RALGAPA1: variants seen among roughly 807,000 people sequenced by gnomAD.
RALGAPA1 encodes Ral GTPase activating protein catalytic subunit alpha 1, also known as ral GTPase-activating protein subunit alpha-1.
In RALGAPA1, 52 loss-of-function variants were observed where a neutral mutation model predicts 269.6. That is an observed-to-expected ratio of 0.19 (90% CI 0.15 to 0.24). The LOEUF (loss-of-function observed/expected upper bound fraction) is 0.24. Among genes scored for constraint, RALGAPA1 ranks in the 10% least tolerant of loss-of-function variants. RALGAPA1 has a pLI of 1.00. For missense variants in RALGAPA1, 1,917 were observed against 3,013.9 expected (o/e 0.64, Z 8.52); for synonymous variants, 817 against 1,008.3 (o/e 0.81, Z 3.60).
At chr14:35,658,434 G>C (rs1253090546) in intron 28 of RALGAPA1, among the ~76,000 whole-genome samples, 1 of 152,018 alleles carries the variant, frequency 6.6e-6, no homozygotes, top group Non-Finnish European at 1.5e-5. Context: ...GAGCTTTGCA[G>C]AGATGTAGAT....
intron 37 of RALGAPA1, among the ~76,000 whole-genome samples, chr14:35,593,771 C>G (rs965765593): frequency 6.6e-6 from 1 of 152,052 alleles, no homozygotes. Flanking sequence ...GGGAGAATCA[C>G]TTGAGCCCAG....
At chr14:35,742,267 T>C in intron 11 of RALGAPA1, 101 bp downstream of exon 11, 1 of 893,726 alleles carries the variant, frequency 1.1e-6, no homozygotes, top group African/African-American at 1.7e-5. Context: ...ATCTTTATCT[T>C]CCCATTTAAT....
At chr14:35,769,296 TTAGCAACATG>T (rs1294080134) in intron 4 of RALGAPA1, among the ~76,000 whole-genome samples, 1 of 151,792 alleles carries the variant, frequency 6.6e-6, no homozygotes, top group Non-Finnish European at 1.5e-5. Flanking sequence ...GCAGCAACAT[TTAGCAACATG>T]GATACAGCTG....
At chr14:35,790,684 T>TA (rs75409188) in intron 1 of RALGAPA1, among the ~76,000 whole-genome samples, 2,645 of 92,264 alleles carry the variant, frequency 0.029, 86 homozygotes, top group African/African-American at 0.082. Flanking sequence ...AGAGACTGTC[T>TA]AAAAAAAAAA....
chr14:35,579,936 AG>A (rs1322319266), intron 37 of RALGAPA1, among the ~76,000 whole-genome samples: 1 of 152,194 alleles, frequency 6.6e-6, no homozygotes, highest in Non-Finnish European at 1.5e-5. Flanking sequence ...TTCATTTTTC[AG>A]ACTATATTTA....
At chr14:35,559,566 G>A (rs909395564) in intron 39 of RALGAPA1, among the ~76,000 whole-genome samples, 3 of 152,044 alleles carry the variant, frequency 2.0e-5, no homozygotes, top group South Asian at 2.1e-4. Flanking sequence ...TTCAAGTTTC[G>A]TTGTTTTTAG....
intron 41 of RALGAPA1, among the ~76,000 whole-genome samples, chr14:35,540,726 G>A (rs1302554934): frequency 1.3e-5 from 2 of 152,068 alleles, no homozygotes; most frequent in East Asian, 3.8e-4. Context: ...CAGATTTTCT[G>A]GGTCTTAAGT....
In RALGAPA1 at chr14:35,797,572, G is replaced by A. The variant is rs375307431; in HGVS notation, c.106+11158C>T. Among the ~76,000 whole-genome samples the A allele has an allele frequency of 8.5e-5, 13 of 152,092 alleles. No individual in the cohort carries two copies. In the East Asian group the frequency reaches 2.2e-3, roughly 25 times the overall value. On this transcript the variant is annotated intron_variant, in intron 1 of 41. Transcript: ENST00000680220. ...TCAAAGTAGCTAGAAGAGGCCGGGT[G>A]CAGTGGCTCACGCCTGTAATCCCAG...
At chr14:35,583,002 A>G (rs572897179) in intron 37 of RALGAPA1, among the ~76,000 whole-genome samples, 7 of 152,256 alleles carry the variant, frequency 4.6e-5, no homozygotes, top group Middle Eastern at 3.4e-3. Context: ...ATACCACTAA[A>G]GGCCTATTTA....
At chr14:35,556,125 C>T (rs2055577154) in intron 39 of RALGAPA1, among the ~76,000 whole-genome samples, 1 of 151,962 alleles carries the variant, frequency 6.6e-6, no homozygotes, top group Non-Finnish European at 1.5e-5. Flanking sequence ...CATTCTGAGG[C>T]AATATCATTA....
intron 1 of RALGAPA1, among the ~76,000 whole-genome samples, chr14:35,804,524 G>A (rs767585303): frequency 1.5e-4 from 22 of 150,668 alleles, no homozygotes; most frequent in Non-Finnish European, 3.0e-4. Flanking sequence ...AGCCGAGATC[G>A]TGCCATGGCA....
intron 41 of RALGAPA1, among the ~76,000 whole-genome samples, chr14:35,542,675 T>C (rs1289157328): frequency 1.3e-5 from 2 of 152,230 alleles, no homozygotes; most frequent in Admixed American, 1.3e-4. Context: ...TTTATACTAC[T>C]TGAGTCATAA....
intron 9 of RALGAPA1, among the ~76,000 whole-genome samples, chr14:35,749,602 T>C (rs1281551859): frequency 6.6e-6 from 1 of 152,174 alleles, no homozygotes; most frequent in Non-Finnish European, 1.5e-5. Context: ...AAAACATTTA[T>C]GATTTTCATC....
At chr14:35,540,065 C>A (rs941858296) in intron 41 of RALGAPA1, among the ~76,000 whole-genome samples, 1 of 151,930 alleles carries the variant, frequency 6.6e-6, no homozygotes, top group African/African-American at 2.4e-5. Context: ...AGGGTACAAC[C>A]AAGAAAAGAG....
chr14:35,759,572 G>A (rs1422167784), intron 6 of RALGAPA1, among the ~76,000 whole-genome samples: 6 of 147,576 alleles, frequency 4.1e-5, no homozygotes, highest in African/African-American at 1.3e-4. Flanking sequence ...ATTCGTACAC[G>A]AAGATGAGAA....
At chr14:35,743,148 C>T (rs534253036) in intron 10 of RALGAPA1, among the ~76,000 whole-genome samples, 1 of 151,864 alleles carries the variant, frequency 6.6e-6, no homozygotes, top group East Asian at 1.9e-4. Context: ...TCCACACAGA[C>T]AGTGGCCCCT....
intron 37 of RALGAPA1, among the ~76,000 whole-genome samples, chr14:35,587,387 A>G (rs531980610): frequency 6.6e-6 from 1 of 152,228 alleles, no homozygotes; most frequent in East Asian, 1.9e-4. Context: ...CCAAAGAAGT[A>G]TAAATCATGC....
chr14:35,681,166 T>C (rs2065406303), intron 21 of RALGAPA1, among the ~76,000 whole-genome samples: 1 of 152,222 alleles, frequency 6.6e-6, no homozygotes, highest in Non-Finnish European at 1.5e-5. Context: ...AGTAGTATGA[T>C]AATGTATGCA....
chr14:35,684,706 A>T (rs2065764751), intron 20 of RALGAPA1, among the ~76,000 whole-genome samples: 1 of 152,188 alleles, frequency 6.6e-6, no homozygotes, highest in Admixed American at 6.5e-5. Flanking sequence ...CTGTAATCCC[A>T]GCTACTCGGA....
Sources: gnomAD v4.1 joint callset for allele counts (sites outside exome capture counted in the v4.1 genomes callset) on GRCh38, gnomAD v4.1.1 for gene constraint, MANE v1.5 for transcripts, NCBI Gene and HGNC (gene_info 2026-07-23, HGNC 2026-07-21) for gene names.